The following GALNT5 variants were observed in gnomAD, a reference collection of about 807,000 sequenced individuals.
GALNT5 encodes polypeptide N-acetylgalactosaminyltransferase 5, also known as UDP-GalNAc:polypeptide N-acetylgalactosaminyltransferase 5.
A neutral mutation model predicts 85.4 loss-of-function variants in GALNT5; 72 were observed. The observed-to-expected ratio is 0.84, with a 90% CI of 0.70 to 1.03. GALNT5 has a LOEUF of 1.03. GALNT5 is among the 50% of genes least tolerant of loss of function. The pLI, the probability that GALNT5 is intolerant of heterozygous loss-of-function variation, is 0.00. For synonymous variants in GALNT5, 404 were observed against 397.0 expected, an observed-to-expected ratio of 1.02 and a Z score of -0.21; for missense variants, 1,137 against 1,135.5, an observed-to-expected ratio of 1.00 and a Z score of -0.02.
chr2:157,308,288 T>C (rs1408373263), intron 8 of GALNT5, among the ~76,000 whole-genome samples: 2 of 152,222 alleles, frequency 1.3e-5, no homozygotes, highest in African/African-American at 4.8e-5. Flanking sequence ...CTAACATTTA[T>C]TGAAGGCTTA....
intron 1 of GALNT5, 59 bp from the exon 2 acceptor site, chr2:157,284,223 A>C (rs769864861): frequency 8.8e-6 from 13 of 1,469,014 alleles, no homozygotes; most frequent in Non-Finnish European, 1.2e-5. Context: ...GTGACTTTTA[A>C]AACTATCTTG....
In GALNT5 at chr2:157,284,366, G is replaced by A; in HGVS notation, c.1539G>A (p.Leu513=). The change falls in exon 2 of 10, where the codon CTG becomes CTA. Residue 513 remains leucine, a synonymous_variant. Transcript: ENST00000259056. The stretch of plus-strand genomic sequence containing the variant: ...TGGATGAAGTGTGGTCCACTCTCCT[G>A]AGATCTGTTCACAGTGTCATCAATC... ...CFVDEVWSTL[L]RSVHSVINRS... The A allele has an allele frequency of 1.2e-6, 2 of 1,613,900 alleles. No individual in the cohort carries two copies. Among genetic ancestry groups the A allele is most frequent in the Non-Finnish European group, 8.5e-7 (1 of 1,179,818 alleles).
At position 157,286,094 on chromosome 2, in the gene GALNT5, C is replaced by A; in HGVS notation, c.1701C>A (p.Gly567=). ...TTCTTCGCCTCAAAGAGAGACATGGCTTAATAAGGGCCAGGCTGGCAGGAG... is the reference window on the plus strand; with the variant it reads ...TTCTTCGCCTCAAAGAGAGACATGGATTAATAAGGGCCAGGCTGGCAGGAG... ...VRILRLKERH[G]LIRARLAGAQ... The change falls in exon 3 of 10, where the codon GGC becomes GGA. Residue 567 remains glycine, a synonymous_variant. Transcript: ENST00000259056. 1 of 1,612,748 alleles carries A rather than the reference C, an allele frequency of 6.2e-7. No individual in the cohort carries two copies. Among genetic ancestry groups the A allele is most frequent in the South Asian group, 1.1e-5 (1 of 91,060 alleles).
chr2:157,308,326 A>AC (rs1683497196), intron 8 of GALNT5, among the ~76,000 whole-genome samples: 1 of 152,242 alleles, frequency 6.6e-6, no homozygotes, highest in Non-Finnish European at 1.5e-5. Flanking sequence ...GACAGTCATT[A>AC]CCCCAACCCT....
chr2:157,286,748 C>T (rs944584940), intron 3 of GALNT5, among the ~76,000 whole-genome samples: 5 of 152,126 alleles, frequency 3.3e-5, no homozygotes, highest in African/African-American at 7.2e-5. Context: ...GTGATCCGCC[C>T]GCCTCGGCCT....
chr2:157,267,898 T>C (rs1292742080), intron 1 of GALNT5, among the ~76,000 whole-genome samples: 2 of 152,202 alleles, frequency 1.3e-5, no homozygotes, highest in African/African-American at 4.8e-5. Flanking sequence ...ATACAGTTTT[T>C]ATATCACTGT....
chr2:157,280,279 T>G (rs1442255822), intron 1 of GALNT5, among the ~76,000 whole-genome samples: 1 of 152,160 alleles, frequency 6.6e-6, no homozygotes, highest in African/African-American at 2.4e-5. Context: ...TTACCCTGAA[T>G]TACCCAGATA....
At position 157,314,001 on chromosome 2, in the gene GALNT5, A is replaced by G. The variant is rs1467344500; in HGVS notation, c.*2653A>G. 3 of 152,144 alleles carry G rather than the reference A, an allele frequency of 2.0e-5. No homozygotes were observed. Among genetic ancestry groups the G allele is most frequent in the African/African-American group, 7.2e-5 (3 of 41,436 alleles). 9.4% of individuals were successfully genotyped at this position (152,144 alleles called of 1,614,324 possible). A position where few individuals can be genotyped will look rare whatever the true frequency, so the allele number is the denominator to read the frequency against. On this transcript the variant is annotated 3_prime_UTR_variant, in exon 10 of 10. Coordinates refer to ENST00000259056, the MANE Select transcript of GALNT5 (RefSeq NM_014568.3). ...CTTGAGTGTATTGATTTATTATTACATCTACTACCAACATTTTCTTAAGCA... is the reference window on the plus strand; with the variant it reads ...CTTGAGTGTATTGATTTATTATTACGTCTACTACCAACATTTTCTTAAGCA...
chr2:157,307,599 A>G (rs1385047701), intron 8 of GALNT5, among the ~76,000 whole-genome samples: 1 of 152,162 alleles, frequency 6.6e-6, no homozygotes, highest in Non-Finnish European at 1.5e-5. Flanking sequence ...GAGACTCCGC[A>G]CTTCTAAGTA....
chr2:157,283,689 C>T (rs1682904117), intron 1 of GALNT5, among the ~76,000 whole-genome samples: 1 of 141,804 alleles, frequency 7.1e-6, no homozygotes, highest in Non-Finnish European at 1.5e-5. Context: ...TCATAAACCA[C>T]TTGGGAACAT....
intron 1 of GALNT5, among the ~76,000 whole-genome samples, chr2:157,282,501 T>C (rs1045646252): frequency 2.6e-5 from 4 of 152,204 alleles, no homozygotes; most frequent in Non-Finnish European, 4.4e-5. Context: ...TAGGAAACCA[T>C]TGAAATTATG....
At position 157,311,925 on chromosome 2, in the gene GALNT5, A is replaced by T. The variant is rs1198771553; in HGVS notation, c.*577A>T. 6.6e-6 allele frequency: 1 copy of T among 152,136 alleles called. No homozygotes were observed. The highest frequency in any genetic ancestry group is 1.9e-4 in the East Asian group (1 of 5,192). The allele number at this position is 152,136 out of a possible 1,614,324, so 9.4% of individuals were successfully genotyped here. On this transcript the variant is annotated 3_prime_UTR_variant, in exon 10 of 10. Coordinates refer to ENST00000259056, the MANE Select transcript of GALNT5 (RefSeq NM_014568.3). ...GCTGGTAACCCTGCTTGATGGCAGC[A>T]TTTTGATCTAAATTACATAATGGTT...
chr2:157,296,379 C>G lies in GALNT5; in HGVS notation c.1878-15C>G. The G allele has an allele frequency of 6.3e-7, 1 of 1,598,326 alleles. No homozygotes were observed. The highest frequency in any genetic ancestry group is 8.6e-7 in the Non-Finnish European group (1 of 1,167,084). On this transcript the variant is annotated splice_polypyrimidine_tract_variant and intron_variant, in intron 4 of 9. Transcript: ENST00000259056. Reference sequence around the variant, plus strand: ...TAATCCCAGATAACACTTTGTTTTTCATTTCCTGGATTAGTTACATGACAG... The same window carrying G: ...TAATCCCAGATAACACTTTGTTTTTGATTTCCTGGATTAGTTACATGACAG...
chr2:157,314,383 C>T lies in GALNT5; in HGVS notation c.*3035C>T, dbSNP rs530326711. ...AGTTACCCAGCGCTTCTGCCCTACT[C>T]TCTTGTAAGCTGACACAGTTGTTGT... On this transcript the variant is annotated 3_prime_UTR_variant, in exon 10 of 10. Transcript: ENST00000259056. Among the ~76,000 whole-genome samples the T allele has an allele frequency of 6.6e-6, 1 of 152,296 alleles. No homozygotes were observed. Among genetic ancestry groups the T allele is most frequent in the East Asian group, 1.9e-4 (1 of 5,188 alleles).
At position 157,311,208 on chromosome 2, in the gene GALNT5, G is replaced by A; in HGVS notation, c.2683G>A (p.Val895Met). Reference sequence around the variant, plus strand: ...ATTCCCAGCTCTTCTTTCTCTCCAGGTGAATCACATTGTTTTTGAAAACAA... The same window carrying A: ...ATTCCCAGCTCTTCTTTCTCTCCAGATGAATCACATTGTTTTTGAAAACAA... ...KSTSVFHPEL[V>M]NHIVFENNQQ... is the part of the protein sequence containing the mutation. Residue 895 changes from valine to methionine, a missense_variant and splice_region_variant, in exon 10 of 10, where the codon GTG becomes ATG. Transcript: ENST00000259056. 1.9e-6 allele frequency: 3 copies of A among 1,608,220 alleles called. No individual in the cohort carries two copies. The highest frequency in any genetic ancestry group is 2.5e-6 in the Non-Finnish European group (3 of 1,176,608).
intron 3 of GALNT5, among the ~76,000 whole-genome samples, chr2:157,288,731 G>C (rs2166487): frequency 0.82 from 124,217 of 152,118 alleles, 52,042 homozygotes; most frequent in South Asian, 0.92. Flanking sequence ...TGTACATTTT[G>C]AAAGCTCATT....
intron 4 of GALNT5, 127 bp downstream of exon 4, chr2:157,295,925 A>C: frequency 1.5e-6 from 1 of 657,852 alleles, no homozygotes; most frequent in South Asian, 2.2e-5. Context: ...TTATCTACTT[A>C]AATAAATGGA....
At chr2:157,288,426 A>C (rs1683022043) in intron 3 of GALNT5, among the ~76,000 whole-genome samples, 2 of 152,228 alleles carry the variant, frequency 1.3e-5, no homozygotes, top group African/African-American at 2.4e-5. Context: ...CTCAAGAACT[A>C]GTTTAAATAG....
chr2:157,258,592 G>C lies in GALNT5; in HGVS notation c.510G>C (p.Lys170Asn). 6.2e-7 allele frequency: 1 copy of C among 1,613,538 alleles called. No homozygotes were observed. The highest frequency in any genetic ancestry group is 8.5e-7 in the Non-Finnish European group (1 of 1,179,930). Residue 170 changes from lysine (K) to asparagine (N), a missense_variant, in exon 1 of 10, where the codon AAG becomes AAC. Lys to Asn is a moderately conservative substitution (Grantham distance 94). Transcript: ENST00000259056. ...PKQTTAQGAP[K>N]TSFIAAKGTQ... ...AAACGACAGCTCAGGGGGCTCCAAAGACCTCATTCATAGCAGCAAAAGGAA... is the reference window on the plus strand; with the variant it reads ...AAACGACAGCTCAGGGGGCTCCAAACACCTCATTCATAGCAGCAAAAGGAA...
Sources: allele counts gnomAD v4.1 joint callset (sites outside exome capture counted in the v4.1 genomes callset), GRCh38; gene constraint gnomAD v4.1.1; transcripts MANE v1.5; gene names NCBI Gene and HGNC (gene_info 2026-07-23, HGNC 2026-07-21).